Variants in C1orf146 observed in about 807,000 individuals in gnomAD.
C1orf146 encodes chromosome 1 open reading frame 146.
A neutral mutation model predicts 23.0 loss-of-function variants in C1orf146; 22 were observed. The observed-to-expected ratio is 0.96, with a 90% CI of 0.68 to 1.36. C1orf146 has a LOEUF of 1.36. C1orf146 is among the 40% of genes most tolerant of loss of function. C1orf146 has a pLI of 0.00. For missense variants in C1orf146, 199 were observed against 206.8 expected (o/e 0.96, Z 0.23); for synonymous variants, 59 against 65.3 (o/e 0.90, Z 0.47).
intron 2 of C1orf146, among the ~76,000 whole-genome samples, chr1:92,238,959 A>G (rs1013944477): frequency 6.6e-6 from 1 of 152,086 alleles, no homozygotes; most frequent in Non-Finnish European, 1.5e-5. Flanking sequence ...GGGTCTCACT[A>G]TGTTGCCCAG....
At chr1:92,222,890 G>C (rs909385033) in intron 1 of C1orf146, among the ~76,000 whole-genome samples, 8 of 151,804 alleles carry the variant, frequency 5.3e-5, no homozygotes, top group African/African-American at 1.9e-4. Context: ...CTGGCCTATC[G>C]TTTGTATTTC....
chr1:92,229,985 A>G (rs1231365201), intron 1 of C1orf146, among the ~76,000 whole-genome samples: 1 of 152,182 alleles, frequency 6.6e-6, no homozygotes, highest in Non-Finnish European at 1.5e-5. Context: ...CTCACCTCAT[A>G]CGTATACTAT....
At chr1:92,231,561 A>G (rs1388347401) in intron 2 of C1orf146, 75 bp downstream of exon 2, 1 of 973,788 alleles carries the variant, frequency 1.0e-6, no homozygotes, top group African/African-American at 1.7e-5. Context: ...CAACATTTTA[A>G]AAGGTTCTTA....
chr1:92,222,386 G>A (rs925617552), intron 1 of C1orf146, among the ~76,000 whole-genome samples: 5 of 111,354 alleles, frequency 4.5e-5, no homozygotes, highest in Admixed American at 3.6e-4. Flanking sequence ...TATATAACAT[G>A]CATGTATAAC....
intron 2 of C1orf146, among the ~76,000 whole-genome samples, chr1:92,231,902 A>T (rs1283834961): frequency 6.6e-6 from 1 of 152,130 alleles, no homozygotes; most frequent in East Asian, 1.9e-4. Context: ...GGAAAGTTGA[A>T]TGCCTGAGAG....
chr1:92,245,314 A>C (rs759580348), intron 5 of C1orf146, among the ~76,000 whole-genome samples: 1 of 152,148 alleles, frequency 6.6e-6, no homozygotes, highest in African/African-American at 2.4e-5. Context: ...ACATATCCCC[A>C]TTAAAGCAAT....
intron 2 of C1orf146, chr1:92,241,061 G>T: frequency 2.9e-6 from 1 of 340,858 alleles, no homozygotes. Context: ...TGTCAAATTG[G>T]TTGTCTTCTG....
chr1:92,229,733 G>T (rs187467936), intron 1 of C1orf146, among the ~76,000 whole-genome samples: 1 of 152,136 alleles, frequency 6.6e-6, no homozygotes, highest in East Asian at 1.9e-4. Flanking sequence ...AAGAAGGGGG[G>T]GTGGCACAGA....
intron 2 of C1orf146, chr1:92,241,055 A>G: frequency 2.9e-6 from 1 of 348,386 alleles, no homozygotes; most frequent in Non-Finnish European, 5.9e-6. Flanking sequence ...ATGAATTGTC[A>G]AATTGGTTGT....
chr1:92,244,389 T>A lies in C1orf146; in HGVS notation c.329+4T>A. The A allele has an allele frequency of 8.9e-6, 14 of 1,580,234 alleles. No homozygotes were observed. The highest frequency in any genetic ancestry group is 1.1e-5 in the Non-Finnish European group (13 of 1,168,582). On this transcript the variant is annotated splice_donor_region_variant and intron_variant, in intron 4 of 5. Transcript: ENST00000370375. The stretch of plus-strand genomic sequence containing the variant: ...TGATGTTCAGGATTCAGCAGAGGTA[T>A]GGAAGAATAGCATTATAGACTTATT...
chr1:92,234,168 A>G (rs2100740084), intron 2 of C1orf146, among the ~76,000 whole-genome samples: 1 of 152,256 alleles, frequency 6.6e-6, no homozygotes, highest in African/African-American at 2.4e-5. Context: ...GTGGTGAGAG[A>G]GGGCATCCCT....
In C1orf146 at chr1:92,232,738, G is replaced by A. The variant is rs1014580595; in HGVS notation, c.66+1252G>A. Among the ~76,000 whole-genome samples, 9 of 150,294 alleles carry A rather than the reference G, an allele frequency of 6.0e-5. 1 individual carries two copies. Among genetic ancestry groups the A allele is most frequent in the Admixed American group, 5.3e-4 (8 of 15,098 alleles). On this transcript the variant is annotated intron_variant, in intron 2 of 5. Coordinates refer to ENST00000370375, the MANE Select transcript of C1orf146 (RefSeq NM_001012425.2). ...ACAGTCCCACCAACAGTGTAAAAGT[G>A]TTCCTATTTCTCCACATCCTCTCCA...
At chr1:92,244,072 A>G in intron 3 of C1orf146, 145 bp from the exon 4 acceptor site, 1 of 566,162 alleles carries the variant, frequency 1.8e-6, no homozygotes, top group Non-Finnish European at 3.1e-6. Context: ...TTGTGTAGGA[A>G]TTCCATTATA....
chr1:92,219,773 G>A (rs1419390820), intron 1 of C1orf146, among the ~76,000 whole-genome samples: 2 of 152,010 alleles, frequency 1.3e-5, no homozygotes, highest in Non-Finnish European at 2.9e-5. Context: ...TCCTGCTTCA[G>A]TCTCCCGAGT....
chr1:92,222,105 G>A (rs895704575), intron 1 of C1orf146, among the ~76,000 whole-genome samples: 4 of 152,086 alleles, frequency 2.6e-5, no homozygotes, highest in African/African-American at 9.7e-5. Flanking sequence ...GCCAGGCGTG[G>A]TGGCGCACAC....
chr1:92,245,564 A>G lies in C1orf146; in HGVS notation c.433A>G (p.Ser145Gly). 1 of 1,596,478 alleles carries G rather than the reference A, an allele frequency of 6.3e-7. No individual in the cohort carries two copies. The highest frequency in any genetic ancestry group is 8.5e-7 in the Non-Finnish European group (1 of 1,173,866). Residue 145 changes from serine (S) to glycine (G), a missense_variant, in exon 6 of 6, where the codon AGC (serine) becomes GGC (glycine). Physicochemically the swap from Ser to Gly is moderately conservative, Grantham distance 56 (BLOSUM62 0). Coordinates refer to ENST00000370375, the MANE Select transcript of C1orf146 (RefSeq NM_001012425.2). ...GACTACCTCCAAACCATACATAGAT[A>G]GCATTTGCTACAGAATGATAACAGC... ...AKTTSKPYID[S>G]ICYRMITAKA...
intron 1 of C1orf146, among the ~76,000 whole-genome samples, chr1:92,230,291 GC>G (rs1652083925): frequency 6.7e-6 from 1 of 148,408 alleles, no homozygotes; most frequent in African/African-American, 2.5e-5. Flanking sequence ...AGGGAGACCT[GC>G]CCCCGATCTC....
chr1:92,234,262 G>C (rs1054673671), intron 2 of C1orf146, among the ~76,000 whole-genome samples: 73 of 150,432 alleles, frequency 4.9e-4, no homozygotes, highest in African/African-American at 1.7e-3. Context: ...ATAGATAGCT[G>C]TTATTATTTT....
intron 1 of C1orf146, among the ~76,000 whole-genome samples, chr1:92,222,821 T>C (rs889610413): frequency 4.6e-5 from 7 of 151,876 alleles, no homozygotes; most frequent in Non-Finnish European, 1.0e-4. Context: ...CTCCTGACCT[T>C]GTGATCCGCC....
Sources: gnomAD v4.1 joint callset for allele counts (sites outside exome capture counted in the v4.1 genomes callset) on GRCh38, gnomAD v4.1.1 for gene constraint, MANE v1.5 for transcripts, NCBI Gene and HGNC (gene_info 2026-07-23, HGNC 2026-07-21) for gene names.